The following XPO4 variants were observed in gnomAD, a reference collection of about 807,000 sequenced individuals.
The protein encoded by XPO4 is exportin 4.
XPO4 carries 39 observed loss-of-function variants against 143.0 expected under a neutral mutation model. The observed-to-expected ratio is 0.27, with a 90% CI of 0.21 to 0.36. XPO4 has a LOEUF of 0.36. XPO4 is among the 10% of genes least tolerant of loss of function. The pLI is 1.00. For synonymous variants in XPO4, 439 were observed against 474.0 expected (o/e 0.93, Z 0.96); for missense variants, 907 against 1,348.0 (o/e 0.67, Z 5.12).
At chr13:20,866,433 C>A (rs556365295) in intron 2 of XPO4, 36 of 950,158 alleles carry the variant, frequency 3.8e-5, no homozygotes, top group Non-Finnish European at 4.4e-5. Context: ...ATTACCCAGA[C>A]CTTCTATAAA....
intron 9 of XPO4, among the ~76,000 whole-genome samples, chr13:20,815,500 A>C (rs1356452067): frequency 1.3e-5 from 2 of 152,178 alleles, no homozygotes; most frequent in Non-Finnish European, 2.9e-5. Context: ...ATATTTATCT[A>C]TATAAATCTA....
chr13:20,893,187 G>T (rs2060534782), intron 1 of XPO4, among the ~76,000 whole-genome samples: 1 of 152,192 alleles, frequency 6.6e-6, no homozygotes, highest in South Asian at 2.1e-4. Context: ...GCCTCACAAG[G>T]TGCAAACATT....
rs966580661 is a variant in XPO4, at chr13:20,779,752, T to C, written c.*3970A>G. On this transcript the variant is annotated 3_prime_UTR_variant, in exon 23 of 23. Coordinates refer to ENST00000255305, the MANE Select transcript of XPO4 (RefSeq NM_022459.5). ...ATGCCCAGTATTAAGCTTCTATTTT[T>C]ATTTGAACCAAACATATTCTTTGGT... is the stretch of plus-strand genomic sequence containing the variant. The C allele has an allele frequency of 1.3e-5, 2 of 152,650 alleles. No individual in the cohort carries two copies. Among genetic ancestry groups the C allele is most frequent in the Non-Finnish European group, 2.9e-5 (2 of 68,048 alleles). The allele number at this position is 152,650 out of a possible 1,614,324, so 9.5% of individuals were successfully genotyped here.
chr13:20,866,022 G>C, intron 2 of XPO4: 3 of 984,882 alleles, frequency 3.0e-6, no homozygotes, highest in Non-Finnish European at 3.6e-6. Context: ...CTGAGAAAGA[G>C]TAAAAGAATG....
rs2137890313 is a variant in XPO4, at chr13:20,809,130, T to A, written c.1446A>T (p.Gly482=). 1 of 1,614,120 alleles carries A rather than the reference T, an allele frequency of 6.2e-7. No homozygotes were observed. Among genetic ancestry groups the A allele is most frequent in the Non-Finnish European group, 8.5e-7 (1 of 1,179,998 alleles). Residue 482 remains glycine, a synonymous_variant, in exon 11 of 23, where the codon GGA becomes GGT. Transcript: ENST00000255305. Reference sequence around the variant, plus strand: ...GTTCTGCAGCAATTCTTCCTAGCATTCCTACACTGGCCAGTTGATCAGAAA... The same window carrying A: ...GTTCTGCAGCAATTCTTCCTAGCATACCTACACTGGCCAGTTGATCAGAAA... ...DQFSDQLASV[G]MLGRIAAEHC...
At chr13:20,849,909 C>T (rs944214732) in intron 4 of XPO4, 2 of 707,732 alleles carry the variant, frequency 2.8e-6, no homozygotes, top group Admixed American at 1.3e-4. Context: ...AGTTCGAAAC[C>T]AGCCTGGCCA....
intron 1 of XPO4, among the ~76,000 whole-genome samples, chr13:20,879,905 A>G (rs1379180276): frequency 1.3e-5 from 2 of 152,224 alleles, no homozygotes; most frequent in East Asian, 3.8e-4. Context: ...AAAATACAAA[A>G]AGGACGTTAA....
chr13:20,849,789 T>C (rs770540001), intron 4 of XPO4: 47 of 985,288 alleles, frequency 4.8e-5, no homozygotes, highest in Non-Finnish European at 5.5e-5. Context: ...CCTAATGTGT[T>C]GGTTACCTAT....
chr13:20,816,651 T>C (rs1322412806), intron 9 of XPO4, among the ~76,000 whole-genome samples: 4 of 152,216 alleles, frequency 2.6e-5, no homozygotes, highest in African/African-American at 9.6e-5. Flanking sequence ...CTAAATCCAC[T>C]GCACTAAAGG....
At chr13:20,837,740 C>T (rs894217560) in intron 6 of XPO4, among the ~76,000 whole-genome samples, 1 of 152,182 alleles carries the variant, frequency 6.6e-6, no homozygotes, top group Non-Finnish European at 1.5e-5. Context: ...CAAGTCCCGT[C>T]TTACATGGAT....
intron 1 of XPO4, among the ~76,000 whole-genome samples, chr13:20,871,355 T>C (rs2060296474): frequency 6.6e-6 from 1 of 152,176 alleles, no homozygotes; most frequent in African/African-American, 2.4e-5. Context: ...AGTGTCACTC[T>C]GTCGTCCAGG....
intron 15 of XPO4, 59 bp downstream of exon 15, chr13:20,800,097 A>G: frequency 6.3e-7 from 1 of 1,584,802 alleles, no homozygotes; most frequent in Non-Finnish European, 8.6e-7. Context: ...CTAAGAAGTG[A>G]AAAAGAGTTT....
chr13:20,891,196 C>T (rs2060512961), intron 1 of XPO4, among the ~76,000 whole-genome samples: 1 of 150,578 alleles, frequency 6.6e-6, no homozygotes, highest in Admixed American at 6.6e-5. Context: ...ACACAGTAGC[C>T]ACTACCACAG....
rs182422209 is a variant in XPO4 at position 20,828,012 on chromosome 13, C to T, written c.728-833G>A. 7.2e-3 allele frequency among the ~76,000 whole-genome samples: 1,094 copies of T among 152,156 alleles called. 5 individuals are homozygous for T. The highest frequency in any genetic ancestry group is 0.013 in the Admixed American group (191 of 15,274). On this transcript the variant is annotated intron_variant, in intron 6 of 22. Coordinates refer to ENST00000255305, the MANE Select transcript of XPO4 (RefSeq NM_022459.5). ...CCACATTTTGGGAGGCCAAGGCAGG[C>T]GGATCACCTGAGGTCAGGAGTTCGA...
At position 20,902,680 on chromosome 13, in the gene XPO4, T is replaced by G. The variant is rs1370232271; in HGVS notation, c.59A>C (p.Lys20Thr). The G allele has an allele frequency of 6.3e-7, 1 of 1,579,034 alleles. No homozygotes were observed. The part of the protein sequence containing the change: ...EVIAQLENAA[K>T]VLMAPPSMVN... ...GCGCGGCGTCCTCACCATCAGAACT[T>G]TAGCCGCGTTCTCCAGCTGAGCGAT... The change falls in exon 1 of 23, where the codon AAA (lysine) becomes ACA (threonine). Residue 20 changes from lysine (K) to threonine (T), a missense_variant. Lys to Thr is a moderately conservative substitution (Grantham distance 78). Transcript: ENST00000255305.
At chr13:20,873,322 A>G (rs1179577682) in intron 1 of XPO4, among the ~76,000 whole-genome samples, 3 of 152,142 alleles carry the variant, frequency 2.0e-5, no homozygotes, top group African/African-American at 7.2e-5. Flanking sequence ...TAATGAATAG[A>G]TTAACTGACA....
intron 1 of XPO4, among the ~76,000 whole-genome samples, chr13:20,881,274 AT>A (rs1197563245): frequency 2.2e-4 from 32 of 147,128 alleles, no homozygotes; most frequent in Middle Eastern, 3.6e-3. Context: ...TTTTACAATA[AT>A]TTTTTTTTTT....
chr13:20,877,331 A>T (rs1347584394), intron 1 of XPO4, among the ~76,000 whole-genome samples: 4 of 152,238 alleles, frequency 2.6e-5, no homozygotes, highest in Non-Finnish European at 4.4e-5. Context: ...CCACCCACCT[A>T]AAATGACATT....
intron 18 of XPO4, among the ~76,000 whole-genome samples, chr13:20,792,013 G>A (rs920313799): frequency 1.3e-5 from 2 of 152,182 alleles, no homozygotes; most frequent in East Asian, 1.9e-4. Flanking sequence ...CAGAAGGCTG[G>A]TACTAGAGCT....
Sources: gnomAD v4.1 joint callset for allele counts (sites outside exome capture counted in the v4.1 genomes callset) on GRCh38, gnomAD v4.1.1 for gene constraint, MANE v1.5 for transcripts, NCBI Gene and HGNC (gene_info 2026-07-23, HGNC 2026-07-21) for gene names.